The following LRRC37A2 variants were observed in gnomAD, a reference collection of about 807,000 sequenced individuals.
LRRC37A2 encodes the protein leucine-rich repeat-containing protein 37A2.
In LRRC37A2, 9 loss-of-function variants were observed where a neutral mutation model predicts 68.8. That is an observed-to-expected ratio of 0.13 (90% CI 0.08 to 0.23). The LOEUF is 0.23. Among genes scored for constraint, LRRC37A2 ranks in the 10% least tolerant of loss-of-function variants. The pLI is 1.00. For missense variants in LRRC37A2, 168 were observed against 950.4 expected (o/e 0.18, Z 10.82); for synonymous variants, 63 against 367.6 (o/e 0.17, Z 9.48).
the LRRC37A2 span, among the ~76,000 whole-genome samples, chr17:46,853,341 A>T: frequency 1.4e-5 from 2 of 147,190 alleles, no homozygotes; most frequent in African/African-American, 5.0e-5. Flanking sequence ...GCATGCAGTA[A>T]GTGCTCAACT....
At chr17:46,847,613 C>A in the LRRC37A2 span, among the ~76,000 whole-genome samples, 1 of 152,198 alleles carries the variant, frequency 6.6e-6, no homozygotes, top group Non-Finnish European at 1.5e-5. Flanking sequence ...TGTCCAGGCT[C>A]CCCAGGACCA....
intron 6 of LRRC37A2, among the ~76,000 whole-genome samples, chr17:46,526,476 G>A (rs1174501106): frequency 1.9e-5 from 2 of 103,366 alleles, no homozygotes; most frequent in East Asian, 4.8e-4. Context: ...CCCTTCCAAG[G>A]TCGTGGGAGG....
At chr17:46,907,653 A>G in the LRRC37A2 span, among the ~76,000 whole-genome samples, 3 of 139,516 alleles carry the variant, frequency 2.2e-5, no homozygotes, top group Non-Finnish European at 4.6e-5. Flanking sequence ...CCTGGGCAAC[A>G]TAGTGAAACC....
At chr17:46,771,535 G>A in the LRRC37A2 span, among the ~76,000 whole-genome samples, 1 of 149,056 alleles carries the variant, frequency 6.7e-6, no homozygotes, top group Non-Finnish European at 1.5e-5. Flanking sequence ...TGGGAGCGGC[G>A]CTGACAGCCC....
chr17:46,721,842 G>T, the LRRC37A2 span: 11 of 1,587,862 alleles, frequency 6.9e-6, no homozygotes, highest in Middle Eastern at 1.7e-4. Context: ...TTTTTTGTAC[G>T]GCTTTTTCGA....
chr17:46,805,056 G>A, the LRRC37A2 span, among the ~76,000 whole-genome samples: 10 of 152,068 alleles, frequency 6.6e-5, no homozygotes, highest in Admixed American at 1.3e-4. Flanking sequence ...AACACTCACC[G>A]CAAAGGTACG....
the LRRC37A2 span, chr17:47,018,892 T>C: frequency 6.6e-7 from 1 of 1,518,690 alleles, no homozygotes; most frequent in African/African-American, 1.4e-5. Flanking sequence ...TCTCCAACCA[T>C]GAAGGAGACC....
At chr17:46,888,609 G>A in the LRRC37A2 span, among the ~76,000 whole-genome samples, 1 of 152,110 alleles carries the variant, frequency 6.6e-6, no homozygotes, top group Non-Finnish European at 1.5e-5. Context: ...CCACTAAGGG[G>A]GGTTCTTGGC....
the LRRC37A2 span, among the ~76,000 whole-genome samples, chr17:47,000,011 A>AAT: frequency 1.2e-4 from 2 of 16,016 alleles, no homozygotes; most frequent in Admixed American, 1.6e-3. Context: ...AATAAAATAA[A>AAT]ATAAAATAAA....
chr17:46,900,900 A>C, the LRRC37A2 span, among the ~76,000 whole-genome samples: 1 of 152,198 alleles, frequency 6.6e-6, no homozygotes, highest in Admixed American at 6.5e-5. Context: ...GACAGCCAGG[A>C]TCTGGTGCTC....
the LRRC37A2 span, among the ~76,000 whole-genome samples, chr17:46,775,803 CG>C: frequency 3.0e-3 from 451 of 151,414 alleles, no homozygotes; most frequent in Non-Finnish European, 4.5e-3. Flanking sequence ...TTAGTAGAGA[CG>C]GGGTTTCACC....
chr17:46,541,807 AACAT>A (rs1351988765), intron 8 of LRRC37A2, among the ~76,000 whole-genome samples: 4 of 151,252 alleles, frequency 2.6e-5, no homozygotes, highest in South Asian at 4.1e-4. Flanking sequence ...GCTGTATACA[AACAT>A]TATGTCATTT....
the LRRC37A2 span, among the ~76,000 whole-genome samples, chr17:46,857,609 G>A: frequency 6.6e-6 from 1 of 152,110 alleles, no homozygotes; most frequent in African/African-American, 2.4e-5. Flanking sequence ...AACTGTCTAG[G>A]AGTGGATTGT....
the LRRC37A2 span, chr17:46,851,730 CG>C: frequency 1.6e-6 from 2 of 1,258,534 alleles, no homozygotes; most frequent in Non-Finnish European, 2.0e-6. The surrounding 1 kb of genome is among the most constrained non-coding windows in gnomAD (Gnocchi z 4.3). Context: ...GTGCCCGCCG[CG>C]CCCCCCGCCC....
the LRRC37A2 span, among the ~76,000 whole-genome samples, chr17:46,958,236 G>A: frequency 2.6e-5 from 4 of 152,180 alleles, no homozygotes; most frequent in South Asian, 8.3e-4. Flanking sequence ...AAGAAGTGGA[G>A]CCGTCAACCT....
the LRRC37A2 span, chr17:46,833,237 C>T: frequency 2.3e-6 from 1 of 426,002 alleles, no homozygotes; most frequent in Admixed American, 2.5e-5. Flanking sequence ...GGAAGCTGGG[C>T]CTGAGCCCTG....
In LRRC37A2 at chr17:46,516,309, A is replaced by G. The variant is rs1378899283; in HGVS notation, c.2609+988A>G. 5.1e-5 allele frequency among the ~76,000 whole-genome samples: 4 copies of G among 79,024 alleles called. 1 individual carries two copies. Among genetic ancestry groups the G allele is most frequent in the African/African-American group, 1.6e-4 (4 of 25,408 alleles). The allele number at this position is 79,024 out of a possible 152,430, so 51.8% of individuals were successfully genotyped here. A position where few individuals can be genotyped will look rare whatever the true frequency, so the allele number is the denominator to read the frequency against. On this transcript the variant is annotated intron_variant, in intron 2 of 14. Coordinates refer to ENST00000576629, the Ensembl canonical transcript of LRRC37A2. ...CAGAGCAAGACTCCATCTCAAAAAA[A>G]AAAATGATAGGAGGGAAGAAAGAGA...
the LRRC37A2 span, chr17:46,938,656 A>T: frequency 6.8e-6 from 11 of 1,614,124 alleles, no homozygotes; most frequent in South Asian, 1.1e-5. Context: ...CAACACAGTG[A>T]TGCGGCTCAT....
chr17:46,493,388 C>G, the LRRC37A2 span, among the ~76,000 whole-genome samples: 1 of 125,842 alleles, frequency 7.9e-6, no homozygotes, highest in African/African-American at 3.3e-5. Flanking sequence ...ATTTCGAATC[C>G]TGGGCTCAAG....
Sources: allele counts gnomAD v4.1 joint callset (sites outside exome capture counted in the v4.1 genomes callset), GRCh38; gene constraint gnomAD v4.1.1; non-coding constraint Gnocchi (gnomAD v3.1); transcripts MANE v1.5; gene names NCBI Gene and HGNC (gene_info 2026-07-23, HGNC 2026-07-21).